MPZ: variants seen among roughly 807,000 people sequenced by gnomAD.
The protein encoded by MPZ is myelin protein zero.
Under a neutral mutation model 27.9 loss-of-function variants are expected in MPZ, and 13 were observed. That is an observed-to-expected ratio of 0.47 (90% CI 0.30 to 0.74). The LOEUF is 0.74. Among genes scored for constraint, MPZ ranks in the 30% least tolerant of loss-of-function variants. The probability of loss-of-function intolerance (pLI) is 0.06; values close to 1 mark genes in which losing one functional copy is unlikely to be tolerated. For synonymous variants in MPZ, 118 were observed against 128.9 expected, an observed-to-expected ratio of 0.92 and a Z score of 0.57; for missense variants, 256 against 317.5, an observed-to-expected ratio of 0.81 and a Z score of 1.47.
At position 161,306,935 on chromosome 1, in the gene MPZ, G is replaced by A; in HGVS notation, c.235-14C>T. On this transcript the variant is annotated splice_polypyrimidine_tract_variant and intron_variant, in intron 2 of 5. Transcript: ENST00000533357. ...ATAGTGGAAGATCTATGAGGAATGA[G>A]GGGAAGCATGTGAGAGGACCCTAAT... 1 of 1,589,964 alleles carries A rather than the reference G, an allele frequency of 6.3e-7. No homozygotes were observed. The highest frequency in any genetic ancestry group is 8.6e-7 in the Non-Finnish European group (1 of 1,161,916).
At chr1:161,306,299 G>A (rs374021579) in intron 4 of MPZ, 30 bp downstream of exon 4, 6 of 1,613,970 alleles carry the variant, frequency 3.7e-6, no homozygotes, top group Non-Finnish European at 5.1e-6. Context: ...AGTGGGGAGA[G>A]GGGGAGGGGA....
At position 161,305,905 on chromosome 1, in the gene MPZ, G is replaced by A. The variant is rs747057943; in HGVS notation, c.718C>T (p.Leu240=). The A allele has an allele frequency of 1.2e-6, 2 of 1,601,384 alleles. No individual in the cohort carries two copies. Among genetic ancestry groups the A allele is most frequent in the Non-Finnish European group, 1.7e-6 (2 of 1,173,348 alleles). The part of the protein sequence containing the change: ...KAVSEKKAKG[L]GESRKDKK ...TTCTTATCCTTGCGAGACTCCCCCAGCCCCTTGGCCTTCTTCTCACTGACA... is the reference window on the plus strand; with the variant it reads ...TTCTTATCCTTGCGAGACTCCCCCAACCCCTTGGCCTTCTTCTCACTGACA... The change falls in exon 6 of 6, where the codon CTG becomes TTG. Residue 240 remains leucine (L), a synonymous_variant. Coordinates refer to ENST00000533357, the MANE Select transcript of MPZ (RefSeq NM_000530.8).
chr1:161,306,970 G>C (rs767426813), intron 2 of MPZ, 49 bp from the exon 3 acceptor site: 1 of 929,040 alleles, frequency 1.1e-6, no homozygotes, highest in East Asian at 3.9e-5. Context: ...TGAGAACACA[G>C]CTGTCAAAGC....
Position 161,305,150 on chromosome 1 carries a change from A to T in MPZ, c.*726T>A, listed in dbSNP as rs1670199436. The T allele has an allele frequency of 1.3e-5, 2 of 152,832 alleles. No homozygotes were observed. Among genetic ancestry groups the T allele is most frequent in the Non-Finnish European group, 2.9e-5 (2 of 68,118 alleles). 9.5% of individuals were successfully genotyped at this position (152,832 alleles called of 1,614,324 possible). A position where few individuals can be genotyped will look rare whatever the true frequency, so the allele number is the denominator to read the frequency against. ...CACATGACGTCATTGGTCCTCAGTC[A>T]TGGGTGTAAGGGCAGAGGATGAGCA... On this transcript the variant is annotated 3_prime_UTR_variant, in exon 6 of 6. Coordinates refer to ENST00000533357, the MANE Select transcript of MPZ (RefSeq NM_000530.8).
At chr1:161,307,182 T>C in intron 2 of MPZ, 76 bp downstream of exon 2, 1 of 1,584,618 alleles carries the variant, frequency 6.3e-7, no homozygotes, top group South Asian at 1.1e-5. Flanking sequence ...TCCCCCTCCT[T>C]AGCCCAAGTT....
At chr1:161,307,905 C>T (rs544601960) in intron 1 of MPZ, among the ~76,000 whole-genome samples, 5 of 152,290 alleles carry the variant, frequency 3.3e-5, no homozygotes, top group African/African-American at 1.2e-4. Context: ...CAAGATGTAA[C>T]AAGTTATCCA....
At position 161,307,282 on chromosome 1, in the gene MPZ, G is replaced by C; in HGVS notation, c.210C>G (p.Pro70=). 6.2e-7 allele frequency: 1 copy of C among 1,614,228 alleles called. No individual in the cohort carries two copies. The highest frequency in any genetic ancestry group is 8.5e-7 in the Non-Finnish European group (1 of 1,180,052). The change falls in exon 2 of 6, where the codon CCC becomes CCG. Residue 70 remains proline, a synonymous_variant. Transcript: ENST00000533357. ...DDISFTWRYQ[P]EGGRDAISIF... is the part of the protein sequence containing the mutation. Reference sequence around the variant, plus strand: ...CCGAAATGGCATCTCTGCCCCCTTCGGGCTGGTAGCGCCAGGTGAAGGAGA... The same window carrying C: ...CCGAAATGGCATCTCTGCCCCCTTCCGGCTGGTAGCGCCAGGTGAAGGAGA...
intron 1 of MPZ, 106 bp downstream of exon 1, chr1:161,309,715 AATGTCACCTTCCTGCTCC>A: frequency 1.2e-6 from 1 of 839,208 alleles, no homozygotes; most frequent in Non-Finnish European, 2.0e-6. Flanking sequence ...TTCTGAATAT[AATGTCACCTTCCTGCTCC>A]TGCTTGTTCT....
At chr1:161,308,681 G>A (rs1670319310) in intron 1 of MPZ, among the ~76,000 whole-genome samples, 1 of 152,076 alleles carries the variant, frequency 6.6e-6, no homozygotes, top group Non-Finnish European at 1.5e-5. Flanking sequence ...TAATTCACTG[G>A]CTCTAACTTC....
chr1:161,304,828 T>A lies in MPZ; in HGVS notation c.*1048A>T, dbSNP rs71639057. 972 of 152,766 alleles carry A rather than the reference T, an allele frequency of 6.4e-3. 5 individuals carry two copies. Among genetic ancestry groups the A allele is most frequent in the Non-Finnish European group, 0.011 (759 of 68,012 alleles). 9.5% of individuals were successfully genotyped at this position (152,766 alleles called of 1,614,324 possible). ...GTAGAAAAATCCTAAGAATCCCCTG[T>A]GGCTGCAGTGCAGCCTCTTCCTCCC... On this transcript the variant is annotated 3_prime_UTR_variant, in exon 6 of 6. Transcript: ENST00000533357.
rs765114034 is a variant in MPZ at position 161,307,441 on chromosome 1, G to C, written c.68-17C>G. ...GGGACAGCACTGCAAGCACAAAGTGGGGAATCAGATGCACCTATGGGCCCA... is the reference window on the plus strand; with the variant it reads ...GGGACAGCACTGCAAGCACAAAGTGCGGAATCAGATGCACCTATGGGCCCA... On this transcript the variant is annotated splice_polypyrimidine_tract_variant and intron_variant, in intron 1 of 5. Transcript: ENST00000533357. 6.2e-7 allele frequency: 1 copy of C among 1,613,728 alleles called. No homozygotes were observed. Among genetic ancestry groups the C allele is most frequent in the African/African-American group, 1.3e-5 (1 of 74,934 alleles).
chr1:161,303,793 T>C (rs890025234), downstream of MPZ, among the ~76,000 whole-genome samples: 1 of 152,232 alleles, frequency 6.6e-6, no homozygotes, highest in African/African-American at 2.4e-5. Context: ...AAGTTTCCTC[T>C]CCCACTTCCC....
In MPZ at chr1:161,305,910, T is replaced by C; in HGVS notation, c.713A>G (p.Lys238Arg). Residue 238 changes from lysine (K) to arginine (R), a missense_variant, in exon 6 of 6, where the codon AAG becomes AGG. Lys to Arg is a conservative substitution (Grantham distance 26, BLOSUM62 2). Transcript: ENST00000533357. ...ATCCTTGCGAGACTCCCCCAGCCCC[T>C]TGGCCTTCTTCTCACTGACAGCTTT... is the stretch of plus-strand genomic sequence containing the variant. ...STKAVSEKKA[K>R]GLGESRKDKK The C allele has an allele frequency of 1.3e-6, 2 of 1,581,598 alleles. No homozygotes were observed. The highest frequency in any genetic ancestry group is 1.7e-6 in the Non-Finnish European group (2 of 1,160,198).
chr1:161,305,350 G>C lies in MPZ; in HGVS notation c.*526C>G, dbSNP rs534719996. On this transcript the variant is annotated 3_prime_UTR_variant, in exon 6 of 6. Transcript: ENST00000533357. ...GAGGAAACAGCCAGGGGGACAGGCTGGGGGATGCAGGAGATGGGAATGCCA... is the reference window on the plus strand; with the variant it reads ...GAGGAAACAGCCAGGGGGACAGGCTCGGGGATGCAGGAGATGGGAATGCCA... 2 of 159,162 alleles carry C rather than the reference G, an allele frequency of 1.3e-5. No individual in the cohort carries two copies. The highest frequency in any genetic ancestry group is 1.2e-4 in the Admixed American group (2 of 16,052). The allele number at this position is 159,162 out of a possible 1,614,324, so 9.9% of individuals were successfully genotyped here.
intron 5 of MPZ, 54 bp from the exon 6 acceptor site, chr1:161,306,031 C>A (rs2102257460): frequency 6.2e-7 from 1 of 1,607,818 alleles, no homozygotes; most frequent in Admixed American, 1.7e-5. Context: ...TGACTGTTCC[C>A]ATCCCACCCC....
Position 161,309,873 on chromosome 1 carries a change from G to T in MPZ, c.33C>A (p.Ser11Arg), listed in dbSNP as rs1670360511. 1 of 1,589,140 alleles carries T rather than the reference G, an allele frequency of 6.3e-7. No homozygotes were observed. The highest frequency in any genetic ancestry group is 1.8e-5 in the Admixed American group (1 of 54,826). ...AGAAGAGCAGCACAGCCAGGATAGG[G>T]CTGGGGCTGGATGAGGGAGCCCCAG... MAPGAPSSSPSPILAVLLFSS... is the reference protein window; with the variant it reads MAPGAPSSSPRPILAVLLFSS... Residue 11 changes from serine (S) to arginine (R), a missense_variant, in exon 1 of 6, where the codon AGC becomes AGA. By Grantham distance (110) the Ser-to-Arg change is moderately radical (BLOSUM62 -1). Around this residue, in one of 2 missense-constraint regions of MPZ, gnomAD observed 155 missense variants for 223.9 expected, o/e 0.69. Coordinates refer to ENST00000533357, the MANE Select transcript of MPZ (RefSeq NM_000530.8).
Position 161,307,293 on chromosome 1 carries a change from G to T in MPZ, c.199C>A (p.Arg67Ser), listed in dbSNP as rs775361544. The T allele has an allele frequency of 2.5e-6, 4 of 1,614,250 alleles. No homozygotes were observed. Among genetic ancestry groups the T allele is most frequent in the Non-Finnish European group, 3.4e-6 (4 of 1,180,050 alleles). ...WVSDDISFTW[R>S]YQPEGGRDAI... ...TCTCTGCCCCCTTCGGGCTGGTAGC[G>T]CCAGGTGAAGGAGATGTCATCTGAG... The change falls in exon 2 of 6, where the codon CGC (arginine) becomes AGC (serine). Residue 67 changes from arginine (R) to serine (S), a missense_variant. Transcript: ENST00000533357.
Position 161,309,830 on chromosome 1 carries a change from T to A in MPZ, c.67+9A>T. ...CCCAAGACTCCCAGAGTAGAGTGGCTCCACTTACCCAAAGAAGAGAAGAGC... is the reference window on the plus strand; with the variant it reads ...CCCAAGACTCCCAGAGTAGAGTGGCACCACTTACCCAAAGAAGAGAAGAGC... On this transcript the variant is annotated intron_variant, in intron 1 of 5. Coordinates refer to ENST00000533357, the MANE Select transcript of MPZ (RefSeq NM_000530.8). 6.4e-7 allele frequency: 1 copy of A among 1,573,598 alleles called. No individual in the cohort carries two copies. The highest frequency in any genetic ancestry group is 8.6e-7 in the Non-Finnish European group (1 of 1,159,168).
At chr1:161,306,246 G>C (rs976334581) in intron 4 of MPZ, 78 bp from the exon 5 acceptor site, 45 of 1,610,836 alleles carry the variant, frequency 2.8e-5, no homozygotes, top group Non-Finnish European at 3.8e-5. Context: ...TCTTCCCCTT[G>C]GCCCTCCCAC....
Sources: gnomAD v4.1 joint callset for allele counts (sites outside exome capture counted in the v4.1 genomes callset) on GRCh38, gnomAD v4.1.1 for gene constraint, gnomAD v4.1.1 regional missense constraint, MANE v1.5 for transcripts, NCBI Gene and HGNC (gene_info 2026-07-23, HGNC 2026-07-21) for gene names.